UNC13B: variants seen among roughly 807,000 people sequenced by gnomAD.
UNC13B encodes the protein protein unc-13 homolog B.
A neutral mutation model predicts 211.0 loss-of-function variants in UNC13B; 144 were observed. The observed-to-expected ratio is 0.68, with a 90% CI of 0.60 to 0.78. The LOEUF (loss-of-function observed/expected upper bound fraction) is 0.78. Ranked by LOEUF, UNC13B falls within the 30% of genes least tolerant of loss-of-function variation. UNC13B has a pLI of 0.00. For synonymous variants in UNC13B, 709 were observed against 725.8 expected (o/e 0.98, Z 0.37); for missense variants, 1,777 against 2,002.0 (o/e 0.89, Z 2.14).
chr9:35,295,978 A>G (rs1564119021), intron 8 of UNC13B, 48 bp downstream of exon 8: 1 of 1,522,686 alleles, frequency 6.6e-7, no homozygotes, highest in Non-Finnish European at 8.9e-7. Context: ...TCCAGGTCTC[A>G]TGATGCAATT....
At chr9:35,267,850 G>C (rs1827659742) in intron 7 of UNC13B, among the ~76,000 whole-genome samples, 1 of 152,110 alleles carries the variant, frequency 6.6e-6, no homozygotes, top group Admixed American at 6.5e-5. Context: ...GTTGCTGCTG[G>C]TATCCTGTTA....
rs754317250 is a variant in UNC13B, at chr9:35,377,616, C to T, written c.9984C>T (p.Ala3328=). ...ACGTCTTCACAGTGAACAAAGCTGC[C>T]CATGTGCAGCAGATGAAAACAGTGA... ...IRDVFTVNKA[A]HVQQMKTVKQ... is the part of the protein sequence containing the mutation. The change falls in exon 16 of 40, where the codon GCC becomes GCT. Residue 3328 remains alanine (A), a synonymous_variant. Coordinates refer to ENST00000635942, the MANE Select transcript of UNC13B (RefSeq NM_001371189.2). The T allele has an allele frequency of 6.2e-7, 1 of 1,614,190 alleles. No individual in the cohort carries two copies. Among genetic ancestry groups the T allele is most frequent in the South Asian group, 1.1e-5 (1 of 91,076 alleles).
rs769640460 is a variant in UNC13B, at chr9:35,377,566, C to T, written c.9934C>T (p.Pro3312Ser). ...CATGAAGATCCGAGAGCGAAATAAG[C>T]CAGAGATCTTTGAAGTTATCCGGGA... ...DRMKIRERNK[P>S]EIFEVIRDVF... The change falls in exon 16 of 40, where the codon CCA (proline) becomes TCA (serine). Residue 3312 changes from proline to serine, a missense_variant. Physicochemically the swap from Pro to Ser is moderately conservative, Grantham distance 74. Coordinates refer to ENST00000635942, the MANE Select transcript of UNC13B (RefSeq NM_001371189.2). The T allele has an allele frequency of 6.2e-7, 1 of 1,614,212 alleles. No homozygotes were observed. The highest frequency in any genetic ancestry group is 2.2e-5 in the East Asian group (1 of 44,886).
chr9:35,239,695 G>A (rs1435505856), intron 5 of UNC13B, among the ~76,000 whole-genome samples: 2 of 152,060 alleles, frequency 1.3e-5, no homozygotes, highest in Admixed American at 1.3e-4. Flanking sequence ...AAAGACAGAC[G>A]TCCCCAAAGC....
chr9:35,184,837 A>G (rs1822268460), intron 1 of UNC13B, among the ~76,000 whole-genome samples: 1 of 97,222 alleles, frequency 1.0e-5, no homozygotes, highest in Non-Finnish European at 2.2e-5. Flanking sequence ...GAGAGAGGAG[A>G]AAGAAAGAAA....
chr9:35,356,196 C>T (rs945536044), intron 11 of UNC13B, among the ~76,000 whole-genome samples: 1 of 152,210 alleles, frequency 6.6e-6, no homozygotes, highest in Admixed American at 6.5e-5. Flanking sequence ...ACAGGCCAGA[C>T]TCTCACCAAC....
intron 11 of UNC13B, among the ~76,000 whole-genome samples, chr9:35,315,577 C>A (rs185509050): frequency 2.0e-5 from 3 of 152,240 alleles, no homozygotes; most frequent in Admixed American, 1.3e-4. Flanking sequence ...CTTTGTATTT[C>A]CCTATAAACA....
At chr9:35,176,115 C>A (rs577845026) in intron 1 of UNC13B, among the ~76,000 whole-genome samples, 35 of 150,622 alleles carry the variant, frequency 2.3e-4, no homozygotes, top group Non-Finnish European at 4.7e-4. Context: ...AGGGGAAAGT[C>A]AAGATGAGAT....
At position 35,356,190 on chromosome 9, in the gene UNC13B, G is replaced by A. The variant is rs577487138; in HGVS notation, c.9415-10757G>A. Among the ~76,000 whole-genome samples the A allele has an allele frequency of 1.8e-4, 28 of 152,254 alleles. No individual in the cohort carries two copies. The South Asian group carries it at 5.8e-3, about 32-fold the overall frequency. ...TGCATAGAGCAGGACAAGCACACAG[G>A]CCAGACTCTCACCAACATAGACTTC... On this transcript the variant is annotated intron_variant, in intron 11 of 39. Coordinates refer to ENST00000635942, the MANE Select transcript of UNC13B (RefSeq NM_001371189.2).
intron 3 of UNC13B, among the ~76,000 whole-genome samples, chr9:35,235,630 G>T (rs1252635719): frequency 2.0e-5 from 3 of 152,046 alleles, no homozygotes; most frequent in African/African-American, 7.3e-5. Context: ...GTAGAGACAG[G>T]GTTTTGCAAC....
At chr9:35,205,561 G>T (rs1399906032) in intron 1 of UNC13B, among the ~76,000 whole-genome samples, 1 of 152,126 alleles carries the variant, frequency 6.6e-6, no homozygotes, top group African/African-American at 2.4e-5. Context: ...CCACTAGGGA[G>T]GTTCCTCCAA....
intron 6 of UNC13B, among the ~76,000 whole-genome samples, chr9:35,255,046 AT>A (rs1471989667): frequency 4.4e-4 from 52 of 119,238 alleles, no homozygotes; most frequent in Non-Finnish European, 7.5e-4. Flanking sequence ...TATATTATAT[AT>A]AATATAATAT....
In UNC13B at chr9:35,403,203, T is replaced by C; in HGVS notation, c.12521T>C (p.Ile4174Thr). Reference protein sequence around the residue: ...GVDDPVGEVSIQVDLFTHPGT... With the variant: ...GVDDPVGEVSTQVDLFTHPGT... Reference sequence around the variant, plus strand: ...GACGATCCTGTGGGAGAAGTCTCTATTCAGGTGGACTTGTTTACACACCCT... The same window carrying C: ...GACGATCCTGTGGGAGAAGTCTCTACTCAGGTGGACTTGTTTACACACCCT... The change falls in exon 38 of 40, where the codon ATT (isoleucine) becomes ACT (threonine). Residue 4174 changes from isoleucine to threonine, a missense_variant. By Grantham distance (89) the Ile-to-Thr change is moderately conservative. Coordinates refer to ENST00000635942, the MANE Select transcript of UNC13B (RefSeq NM_001371189.2). The C allele has an allele frequency of 2.5e-6, 4 of 1,614,134 alleles. No individual in the cohort carries two copies. The highest frequency in any genetic ancestry group is 1.7e-6 in the Non-Finnish European group (2 of 1,179,972).
chr9:35,301,525 T>C lies in UNC13B; in HGVS notation c.2121T>C (p.Ile707=), dbSNP rs1309847267. ...TTGACAATTACAGTAGTAGCATCAT[T>C]GCTTTAAATGGGAGTGATGAAGAAA... The part of the protein sequence containing the change: ...GTLDNYSSSI[I]ALNGSDEETT... Residue 707 remains isoleucine (I), a synonymous_variant, in exon 9 of 40, where the codon ATT becomes ATC. Coordinates refer to ENST00000635942, the MANE Select transcript of UNC13B (RefSeq NM_001371189.2). 4 of 398,696 alleles carry C rather than the reference T, an allele frequency of 1.0e-5. No individual in the cohort carries two copies. The Admixed American group carries it at 1.8e-4, about 18-fold the overall frequency. 24.7% of individuals were successfully genotyped at this position (398,696 alleles called of 1,614,324 possible).
At chr9:35,328,406 A>T (rs901955608) in intron 11 of UNC13B, among the ~76,000 whole-genome samples, 8 of 152,152 alleles carry the variant, frequency 5.3e-5, no homozygotes, top group African/African-American at 1.9e-4. Flanking sequence ...TGCCAGAAGG[A>T]TTCATGTGGT....
At position 35,353,144 on chromosome 9, in the gene UNC13B, G is replaced by T. The variant is rs1587681564; in HGVS notation, c.9415-13803G>T. The T allele has an allele frequency of 1.2e-5, 15 of 1,232,214 alleles. No individual in the cohort carries two copies. In the South Asian group the frequency reaches 5.3e-4, roughly 44 times the overall value. 76.3% of individuals were successfully genotyped at this position (1,232,214 alleles called of 1,614,324 possible). ...AGGGCCTGAGACTTTCAGTGACATGGTTCATATTGACCTGAATGAAGAGGA... is the reference window on the plus strand; with the variant it reads ...AGGGCCTGAGACTTTCAGTGACATGTTTCATATTGACCTGAATGAAGAGGA... On this transcript the variant is annotated intron_variant, in intron 11 of 39. Transcript: ENST00000635942.
chr9:35,388,343 G>A (rs912894143), intron 24 of UNC13B, among the ~76,000 whole-genome samples: 2 of 152,172 alleles, frequency 1.3e-5, no homozygotes, highest in African/African-American at 4.8e-5. Context: ...AGGAGGCAGA[G>A]GTTGCAGTGA....
chr9:35,375,148 G>C lies in UNC13B; in HGVS notation c.9562G>C (p.Ala3188Pro). 2 of 1,614,148 alleles carry C rather than the reference G, an allele frequency of 1.2e-6. No individual in the cohort carries two copies. The highest frequency in any genetic ancestry group is 1.7e-6 in the Non-Finnish European group (2 of 1,179,992). The change falls in exon 14 of 40, where the codon GCA (alanine) becomes CCA (proline). Residue 3188 changes from alanine to proline, a missense_variant. By Grantham distance (27) the Ala-to-Pro change is conservative. Coordinates refer to ENST00000635942, the MANE Select transcript of UNC13B (RefSeq NM_001371189.2). ...SDLSLVQSRKAGITSAMATRT... is the reference protein window; with the variant it reads ...SDLSLVQSRKPGITSAMATRT... ...ACAGTCACTGGTCCAGTCTCGGAAG[G>C]CAGGAATCACTTCTGCAATGGCTAC...
chr9:35,175,404 G>T (rs1821568449), intron 1 of UNC13B, among the ~76,000 whole-genome samples: 1 of 152,218 alleles, frequency 6.6e-6, no homozygotes, highest in African/African-American at 2.4e-5. Context: ...GAACTCCAGT[G>T]TATAGGAATG....
Sources: allele counts gnomAD v4.1 joint callset (sites outside exome capture counted in the v4.1 genomes callset), GRCh38; gene constraint gnomAD v4.1.1; transcripts MANE v1.5; gene names NCBI Gene and HGNC (gene_info 2026-07-23, HGNC 2026-07-21).